Variants in ARHGEF10L observed in about 807,000 individuals in gnomAD.
ARHGEF10L encodes rho guanine nucleotide exchange factor 10-like protein.
ARHGEF10L carries 69 observed loss-of-function variants against 141.2 expected under a neutral mutation model. That is an observed-to-expected ratio of 0.49 (90% CI 0.40 to 0.60). ARHGEF10L has a LOEUF of 0.60. Among genes scored for constraint, ARHGEF10L ranks in the 20% least tolerant of loss-of-function variants. The probability of loss-of-function intolerance (pLI) is 0.00; values close to 1 mark genes in which losing one functional copy is unlikely to be tolerated. For synonymous variants in ARHGEF10L, 711 were observed against 718.5 expected (o/e 0.99, Z 0.17); for missense variants, 1,482 against 1,734.3 (o/e 0.85, Z 2.58).
chr1:17,696,116 G>A (rs1023416364), intron 28 of ARHGEF10L, among the ~76,000 whole-genome samples: 1 of 151,632 alleles, frequency 6.6e-6, no homozygotes, highest in Non-Finnish European at 1.5e-5. Context: ...GGGAAGCTGA[G>A]GCAAGAGAAT....
intron 22 of ARHGEF10L, among the ~76,000 whole-genome samples, chr1:17,653,854 G>A (rs946814999): frequency 6.6e-6 from 1 of 152,250 alleles, no homozygotes; most frequent in Non-Finnish European, 1.5e-5. Context: ...GCTGGATGAG[G>A]TGACCTCTTA....
At chr1:17,548,276 A>AT (rs1193241406) in intron 1 of ARHGEF10L, among the ~76,000 whole-genome samples, 1 of 152,240 alleles carries the variant, frequency 6.6e-6, no homozygotes, top group African/African-American at 2.4e-5. Flanking sequence ...ATATATATGT[A>AT]TTTTTTTACT....
rs183061680 is a variant in ARHGEF10L, at chr1:17,637,559, C to T, written c.1928-329C>T. ...TGTCACCCAGGCTGGAGTGCAGTGG[C>T]GTGATCTCGGCTCACTGCAAGCTCC... On this transcript the variant is annotated intron_variant, in intron 18 of 28. Transcript: ENST00000361221. Among the ~76,000 whole-genome samples, 521 of 152,006 alleles carry T rather than the reference C, an allele frequency of 3.4e-3. 2 individuals are homozygous for T. Among genetic ancestry groups the T allele is most frequent in the African/African-American group, 0.012 (484 of 41,434 alleles).
intron 5 of ARHGEF10L, 97 bp downstream of exon 5, chr1:17,602,315 G>T (rs1487355437): frequency 7.2e-7 from 1 of 1,395,312 alleles, no homozygotes; most frequent in Non-Finnish European, 9.8e-7. Flanking sequence ...GCTCCTGTGA[G>T]CCCAGGGTTC....
intron 26 of ARHGEF10L, among the ~76,000 whole-genome samples, chr1:17,686,216 G>A (rs2064582324): frequency 6.6e-6 from 1 of 152,046 alleles, no homozygotes; most frequent in South Asian, 2.1e-4. Flanking sequence ...GATACACAGA[G>A]TTACCTGACT....
In ARHGEF10L at chr1:17,654,543, A is replaced by AG; in HGVS notation, c.2395-90dup. ...CCCCCACCCACAGGGATTCTAATCC[A>AG]GGGAGAGTTGGATGGGGCCCAGGAA... On this transcript the variant is annotated intron_variant, in intron 22 of 28. Transcript: ENST00000361221. The surrounding 1 kb of genome is among the most constrained non-coding windows in gnomAD (Gnocchi z 4.3). 9.0e-7 allele frequency: 1 copy of AG among 1,105,310 alleles called. No homozygotes were observed. The highest frequency in any genetic ancestry group is 2.4e-5 in the East Asian group (1 of 42,462). 68.5% of individuals were successfully genotyped at this position (1,105,310 alleles called of 1,614,324 possible).
rs947701190 is a variant in ARHGEF10L, at chr1:17,603,830, G to A, written c.433+239G>A. Among the ~76,000 whole-genome samples, 6 of 152,226 alleles carry A rather than the reference G, an allele frequency of 3.9e-5. No homozygotes were observed. The highest frequency in any genetic ancestry group is 7.3e-5 in the Non-Finnish European group (5 of 68,032). On this transcript the variant is annotated intron_variant, in intron 6 of 28. Transcript: ENST00000361221. This position sits in a 1 kb window ranked among gnomAD's most constrained non-coding sequence, Gnocchi z 4.8. ...GGCCATGCTCCGGCTATGGGTCCCC[G>A]GGCAGGTAATCACCTTTCTAAGCCT...
Position 17,573,461 on chromosome 1 carries a change from AG to A in ARHGEF10L, c.-43-7086del, listed in dbSNP as rs1420956615. On this transcript the variant is annotated intron_variant, in intron 1 of 28. Transcript: ENST00000361221. The surrounding 1 kb of genome is among the most constrained non-coding windows in gnomAD (Gnocchi z 4.8). ...GAGGGTCTGGGGTTCTCTGGAGAAG[AG>A]GGGGGTCAGTTCAGCTGATGGCAGG... Among the ~76,000 whole-genome samples, 6 of 152,108 alleles carry A rather than the reference AG, an allele frequency of 3.9e-5. No homozygotes were observed. Among genetic ancestry groups the A allele is most frequent in the Non-Finnish European group, 5.9e-5 (4 of 68,008 alleles).
chr1:17,634,655 G>A (rs934838602), intron 17 of ARHGEF10L, 93 bp downstream of exon 17: 12 of 1,541,976 alleles, frequency 7.8e-6, no homozygotes, highest in East Asian at 6.9e-5. Flanking sequence ...GGGCCTGGGC[G>A]CCTGGTGCTT....
chr1:17,530,323 C>G, the ARHGEF10L span, among the ~76,000 whole-genome samples: 1 of 152,232 alleles, frequency 6.6e-6, no homozygotes, highest in Non-Finnish European at 1.5e-5. Flanking sequence ...CTGGCACCCC[C>G]ACTTAATCAG....
intron 1 of ARHGEF10L, among the ~76,000 whole-genome samples, chr1:17,570,313 G>A (rs1488830040): frequency 6.6e-6 from 1 of 152,252 alleles, no homozygotes; most frequent in Non-Finnish European, 1.5e-5. Context: ...CTGGGTCAGG[G>A]CATGTGTGTG....
chr1:17,565,673 G>T (rs945648622), intron 1 of ARHGEF10L, among the ~76,000 whole-genome samples: 1 of 152,198 alleles, frequency 6.6e-6, no homozygotes, highest in Non-Finnish European at 1.5e-5. Flanking sequence ...TGCATAGAGG[G>T]TTGAGCCATG....
At chr1:17,599,790 C>T (rs2080467029) in intron 4 of ARHGEF10L, among the ~76,000 whole-genome samples, 2 of 152,238 alleles carry the variant, frequency 1.3e-5, no homozygotes, top group Non-Finnish European at 2.9e-5. Flanking sequence ...TGAGCTGACA[C>T]TTGCTCCTCT....
At chr1:17,636,234 C>T (rs1008444418) in intron 18 of ARHGEF10L, among the ~76,000 whole-genome samples, 1 of 152,246 alleles carries the variant, frequency 6.6e-6, no homozygotes, top group South Asian at 2.1e-4. Flanking sequence ...TGTCTGTGGC[C>T]GCATTCCTCA....
At chr1:17,616,486 C>T (rs974550827) in intron 9 of ARHGEF10L, among the ~76,000 whole-genome samples, 1 of 152,238 alleles carries the variant, frequency 6.6e-6, no homozygotes, top group African/African-American at 2.4e-5. Flanking sequence ...CCTCCTGCCC[C>T]CTGCGCTGTC....
chr1:17,660,116 C>T (rs537711107), intron 25 of ARHGEF10L, among the ~76,000 whole-genome samples: 32 of 152,334 alleles, frequency 2.1e-4, no homozygotes, highest in Middle Eastern at 3.4e-3. Flanking sequence ...TGCTGGGGCC[C>T]GGAGCTGAGA....
At chr1:17,694,579 T>G in intron 27 of ARHGEF10L, 3 of 219,914 alleles carry the variant, frequency 1.4e-5, no homozygotes, top group Non-Finnish European at 2.8e-5. Flanking sequence ...CACCAGCGAG[T>G]TTTGTGCTTC....
chr1:17,600,777 C>T (rs1032355575), intron 4 of ARHGEF10L, among the ~76,000 whole-genome samples: 41 of 151,966 alleles, frequency 2.7e-4, no homozygotes, highest in African/African-American at 9.2e-4. Context: ...TGTTTAGGTG[C>T]GGTGACTCAC....
chr1:17,623,011 CT>C lies in ARHGEF10L; in HGVS notation c.1037del (p.Leu346ArgfsTer9). The C allele has an allele frequency of 6.2e-7, 1 of 1,613,418 alleles. No homozygotes were observed. Among genetic ancestry groups the C allele is most frequent in the Non-Finnish European group, 8.5e-7 (1 of 1,179,864 alleles). Reference sequence around the variant, plus strand: ...TCCCCGGCAGGACTACCGCAACCCCCTGATGGAGATGGAGCCCAAGGCGCTG... The same window carrying C: ...TCCCCGGCAGGACTACCGCAACCCCCGATGGAGATGGAGCCCAAGGCGCTG... The part of the protein sequence containing the change: ...KRILQDYRNP[L>X]MEMEPKALSA... On this transcript the variant is annotated frameshift_variant, in exon 12 of 29. Transcript: ENST00000361221. LOFTEE classifies it high-confidence loss of function. This position sits in a 1 kb window ranked among gnomAD's most constrained non-coding sequence, Gnocchi z 4.7.
Sources: allele counts gnomAD v4.1 joint callset (sites outside exome capture counted in the v4.1 genomes callset), GRCh38; gene constraint gnomAD v4.1.1; non-coding constraint Gnocchi (gnomAD v3.1); transcripts MANE v1.5; gene names NCBI Gene and HGNC (gene_info 2026-07-23, HGNC 2026-07-21).